NCALD: variants seen among roughly 807,000 people sequenced by gnomAD.
NCALD encodes neurocalcin delta, also known as neurocalcin-delta.
A neutral mutation model predicts 18.6 loss-of-function variants in NCALD; 10 were observed. The observed-to-expected ratio is 0.54, with a 90% CI of 0.33 to 0.91. The LOEUF is 0.91. Ranked by LOEUF, NCALD falls within the 40% of genes least tolerant of loss-of-function variation. The pLI is 0.03. For missense variants in NCALD, 184 were observed against 247.6 expected (o/e 0.74, Z 1.72); for synonymous variants, 88 against 87.4 (o/e 1.01, Z -0.04).
chr8:101,719,790 G>C, intron 1 of NCALD, 142 bp from the exon 2 acceptor site: 1 of 724,776 alleles, frequency 1.4e-6, no homozygotes, highest in Middle Eastern at 4.0e-4. Flanking sequence ...TCTAGGTTTT[G>C]CAACACACTG....
chr8:101,734,731 T>C (rs1318777711), intron 1 of NCALD, among the ~76,000 whole-genome samples: 18 of 152,174 alleles, frequency 1.2e-4, no homozygotes, highest in Admixed American at 1.2e-3. Context: ...GAATCAATGC[T>C]TTGTGGTAAA....
chr8:102,085,309 C>T (rs77254218), intron 1 of NCALD, among the ~76,000 whole-genome samples: 3,919 of 152,314 alleles, frequency 0.026, 131 homozygotes, highest in East Asian at 0.13. Context: ...CATTGCCAAA[C>T]GTCTTATTTG....
At chr8:101,967,751 C>T (rs562107832) in intron 2 of NCALD, among the ~76,000 whole-genome samples, 1 of 152,262 alleles carries the variant, frequency 6.6e-6, no homozygotes, top group East Asian at 1.9e-4. Flanking sequence ...GGATTCTTCT[C>T]TCCCGGCCTC....
intron 1 of NCALD, among the ~76,000 whole-genome samples, chr8:101,723,968 A>G (rs909779868): frequency 6.6e-6 from 1 of 152,206 alleles, no homozygotes; most frequent in Non-Finnish European, 1.5e-5. Flanking sequence ...CTATAAGCCA[A>G]TTCTACACAA....
chr8:101,948,578 A>G (rs1819269574), intron 2 of NCALD, among the ~76,000 whole-genome samples: 1 of 152,228 alleles, frequency 6.6e-6, no homozygotes, highest in South Asian at 2.1e-4. Context: ...GATTAAAACC[A>G]TGGATAAGTA....
intron 1 of NCALD, among the ~76,000 whole-genome samples, chr8:101,784,673 C>T (rs781290108): frequency 1.7e-4 from 26 of 152,058 alleles, no homozygotes; most frequent in Admixed American, 5.2e-4. Context: ...TGGTGGCATA[C>T]GCCTATAGTC....
At chr8:101,794,776 G>C (rs1812578626), upstream of NCALD, among the ~76,000 whole-genome samples, 1 of 152,188 alleles carries the variant, frequency 6.6e-6, no homozygotes, top group Non-Finnish European at 1.5e-5. Flanking sequence ...CTGCATAGCA[G>C]AGCCAGGATT....
intron 2 of NCALD, among the ~76,000 whole-genome samples, chr8:101,921,741 AAGAC>A (rs1159484291): frequency 1.3e-5 from 2 of 152,218 alleles, no homozygotes; most frequent in South Asian, 4.1e-4. Context: ...ATTCTTATCT[AAGAC>A]AGATTCTTAA....
intron 4 of NCALD, among the ~76,000 whole-genome samples, chr8:101,817,819 C>G (rs559619249): frequency 2.6e-5 from 4 of 152,112 alleles, no homozygotes; most frequent in African/African-American, 7.2e-5. Context: ...CCCTCTGACA[C>G]CAGAGATTTC....
intron 1 of NCALD, among the ~76,000 whole-genome samples, chr8:101,742,183 G>A (rs1810226579): frequency 6.7e-6 from 1 of 149,942 alleles, no homozygotes. Context: ...AACCCCTGAA[G>A]TGGTGCACCA....
At chr8:101,898,214 A>G (rs1817281678) in intron 3 of NCALD, among the ~76,000 whole-genome samples, 1 of 152,120 alleles carries the variant, frequency 6.6e-6, no homozygotes, top group Non-Finnish European at 1.5e-5. Context: ...CATTATCACT[A>G]TTTTTATTTT....
At chr8:102,081,565 A>AC (rs1563601122) in intron 1 of NCALD, among the ~76,000 whole-genome samples, 1 of 104,502 alleles carries the variant, frequency 9.6e-6, no homozygotes, top group Non-Finnish European at 2.0e-5. Context: ...AAAAAAAAAA[A>AC]AAAAAAAAAA....
chr8:101,936,709 T>C (rs1818777271), intron 2 of NCALD, among the ~76,000 whole-genome samples: 1 of 152,206 alleles, frequency 6.6e-6, no homozygotes, highest in Non-Finnish European at 1.5e-5. Flanking sequence ...CTTGTTTGTT[T>C]GTTTACCAGT....
At chr8:101,842,927 G>A (rs1814704230) in intron 4 of NCALD, among the ~76,000 whole-genome samples, 1 of 152,164 alleles carries the variant, frequency 6.6e-6, no homozygotes, top group Non-Finnish European at 1.5e-5. Context: ...GGGGGAAGAT[G>A]AGAAGAGAAA....
At chr8:101,843,792 G>T (rs977035169) in intron 4 of NCALD, among the ~76,000 whole-genome samples, 1 of 151,966 alleles carries the variant, frequency 6.6e-6, no homozygotes, top group Admixed American at 6.6e-5. Flanking sequence ...ATGCTGGCCA[G>T]GCTGGTCTCG....
intron 4 of NCALD, among the ~76,000 whole-genome samples, chr8:101,882,019 T>C (rs768557171): frequency 1.3e-5 from 2 of 152,156 alleles, no homozygotes; most frequent in Non-Finnish European, 2.9e-5. Flanking sequence ...CAGGAGACAT[T>C]TGGCAATGTC....
Position 101,912,422 on chromosome 8 carries a change from T to C in NCALD, c.-107+3387A>G, listed in dbSNP as rs142209040. ...AATTTCCTCACTAAAAAAGAGAAAG[T>C]ATTAGTCAGGGAAATGATGATGTAT... On this transcript the variant is annotated intron_variant, in intron 3 of 6. Transcript: ENST00000311028. Among the ~76,000 whole-genome samples the C allele has an allele frequency of 5.3e-5, 8 of 152,364 alleles. No individual in the cohort carries two copies. In the East Asian group the frequency reaches 1.5e-3, roughly 29 times the overall value.
intron 1 of NCALD, among the ~76,000 whole-genome samples, chr8:102,052,675 T>A (rs78077320): frequency 7.7e-4 from 118 of 152,320 alleles, no homozygotes; most frequent in Admixed American, 1.8e-3. Context: ...ACATTTGAAA[T>A]GAAACAGGCA....
intron 2 of NCALD, among the ~76,000 whole-genome samples, chr8:101,927,703 T>G (rs186715941): frequency 1.3e-5 from 2 of 152,222 alleles, no homozygotes; most frequent in African/African-American, 4.8e-5. Flanking sequence ...CTCCTTCCAA[T>G]GGGTCTATGA....
Sources: gnomAD v4.1 joint callset for allele counts (sites outside exome capture counted in the v4.1 genomes callset) on GRCh38, gnomAD v4.1.1 for gene constraint, MANE v1.5 for transcripts, NCBI Gene and HGNC (gene_info 2026-07-23, HGNC 2026-07-21) for gene names.